ZBTB20: variants seen among roughly 807,000 people sequenced by gnomAD.
ZBTB20 encodes the protein zinc finger and BTB domain-containing protein 20.
ZBTB20 carries 9 observed loss-of-function variants against 56.9 expected under a neutral mutation model. That is an observed-to-expected ratio of 0.16 (90% CI 0.10 to 0.28). The LOEUF (loss-of-function observed/expected upper bound fraction) is 0.28. Among genes scored for constraint, ZBTB20 ranks in the 10% least tolerant of loss-of-function variants. The probability of loss-of-function intolerance (pLI) is 1.00; values close to 1 mark genes in which losing one functional copy is unlikely to be tolerated. For missense variants in ZBTB20, 655 were observed against 1,003.0 expected, an observed-to-expected ratio of 0.65 and a Z score of 4.69; for synonymous variants, 417 against 420.7, an observed-to-expected ratio of 0.99 and a Z score of 0.11.
intron 1 of ZBTB20, among the ~76,000 whole-genome samples, chr3:115,091,440 T>C (rs1368920362): frequency 6.6e-6 from 1 of 151,996 alleles, no homozygotes; most frequent in Non-Finnish European, 1.5e-5. Context: ...CCCCAAATAA[T>C]AGCAAATTTG....
chr3:114,688,336 A>G (rs2062477420), intron 6 of ZBTB20: 1 of 151,824 alleles, frequency 6.6e-6, no homozygotes, highest in South Asian at 2.1e-4. Context: ...GCATCACACA[A>G]TATACCCAGG....
At chr3:114,464,507 G>A (rs552978374) in intron 7 of ZBTB20, among the ~76,000 whole-genome samples, 35 of 152,228 alleles carry the variant, frequency 2.3e-4, no homozygotes, top group East Asian at 3.9e-4. Flanking sequence ...ATAAAATTAC[G>A]TAAACATAAA....
chr3:115,096,865 C>T (rs2083398601), intron 1 of ZBTB20, among the ~76,000 whole-genome samples: 1 of 152,122 alleles, frequency 6.6e-6, no homozygotes, highest in Non-Finnish European at 1.5e-5. Flanking sequence ...TTAATTAGCA[C>T]AAGGACTAAT....
chr3:114,804,085 C>A (rs1468609027), intron 4 of ZBTB20, among the ~76,000 whole-genome samples: 1 of 151,992 alleles, frequency 6.6e-6, no homozygotes, highest in Admixed American at 6.6e-5. Context: ...GCTTCTCTGG[C>A]AGAGACCCTT....
intron 3 of ZBTB20, among the ~76,000 whole-genome samples, chr3:114,939,684 A>C (rs2076663804): frequency 6.8e-6 from 1 of 146,396 alleles, no homozygotes; most frequent in Non-Finnish European, 1.5e-5. Flanking sequence ...GAAGACAATA[A>C]AAATATCTGA....
At chr3:114,688,630 C>T (rs964335999) in intron 6 of ZBTB20, among the ~76,000 whole-genome samples, 1 of 152,092 alleles carries the variant, frequency 6.6e-6, no homozygotes, top group Non-Finnish European at 1.5e-5. Context: ...GCAATGTGTA[C>T]AGCAACAACA....
chr3:114,403,010 A>T (rs1213382203), intron 7 of ZBTB20, among the ~76,000 whole-genome samples: 2 of 152,158 alleles, frequency 1.3e-5, no homozygotes, highest in Non-Finnish European at 2.9e-5. Flanking sequence ...GTGGATGATT[A>T]TATTATTTTG....
At position 114,488,243 on chromosome 3, in the gene ZBTB20, C is replaced by T. The variant is rs143912676; in HGVS notation, c.-255+12109G>A. Among the ~76,000 whole-genome samples, 945 of 152,290 alleles carry T rather than the reference C, an allele frequency of 6.2e-3. 8 individuals carry two copies. Among genetic ancestry groups the T allele is most frequent in the Middle Eastern group, 0.027 (8 of 294 alleles). On this transcript the variant is annotated intron_variant, in intron 7 of 11. Coordinates refer to ENST00000675478, the MANE Select transcript of ZBTB20 (RefSeq NM_001348800.3). ...GCATAAGAAGCAGAGCTTGAGGTGG[C>T]CTTGGAGGACTTCAGGGAGCACTGC...
chr3:114,401,425 G>A (rs996540796), intron 7 of ZBTB20, among the ~76,000 whole-genome samples: 2 of 152,108 alleles, frequency 1.3e-5, no homozygotes, highest in African/African-American at 4.8e-5. Flanking sequence ...TTGTCTGCTA[G>A]CTTGTACCAA....
intron 6 of ZBTB20, among the ~76,000 whole-genome samples, chr3:114,650,893 C>T (rs748335392): frequency 1.3e-5 from 2 of 151,836 alleles, no homozygotes; most frequent in East Asian, 1.9e-4. Context: ...TGTAGAACTT[C>T]GGATGCATCA....
chr3:114,343,511 G>A (rs2079953515), intron 11 of ZBTB20, among the ~76,000 whole-genome samples: 1 of 152,168 alleles, frequency 6.6e-6, no homozygotes, highest in Admixed American at 6.5e-5. Flanking sequence ...CAGGGTGCTT[G>A]ATGAGACAGC....
At chr3:114,870,346 A>G (rs993791832) in intron 4 of ZBTB20, among the ~76,000 whole-genome samples, 3 of 151,310 alleles carry the variant, frequency 2.0e-5, no homozygotes, top group African/African-American at 7.3e-5. Flanking sequence ...ACATGAATTA[A>G]GATCAGCATG....
Position 114,687,256 on chromosome 3 carries a change from T to C in ZBTB20, c.-295+6272A>G, listed in dbSNP as rs2062399234. 4 of 151,478 alleles carry C rather than the reference T, an allele frequency of 2.6e-5. No individual in the cohort carries two copies. The South Asian group carries it at 8.4e-4, about 32-fold the overall frequency. The allele number at this position is 151,478 out of a possible 1,614,324, so 9.4% of individuals were successfully genotyped here. ...ACCAAGTTTTTGTTAAACTTAATCC[T>C]TACTCTCTTTCCTTTCCAGCAGCAG... On this transcript the variant is annotated intron_variant, in intron 6 of 11. Coordinates refer to ENST00000675478, the MANE Select transcript of ZBTB20 (RefSeq NM_001348800.3).
Position 114,351,010 on chromosome 3 carries a change from G to T in ZBTB20, c.1068C>A (p.Cys356Ter). Residue 356 changes from cysteine (C) to a stop codon, truncating the protein, a stop_gained, in exon 11 of 12, where the codon TGC becomes TGA. Coordinates refer to ENST00000675478, the MANE Select transcript of ZBTB20 (RefSeq NM_001348800.3). LOFTEE classifies it high-confidence loss of function. Reference sequence around the variant, plus strand: ...CCTCGGCCTGGTCTGTGTCTTCCGTGCACTCCTCGGATTCGTTGCGTTCCA... The same window carrying T: ...CCTCGGCCTGGTCTGTGTCTTCCGTTCACTCCTCGGATTCGTTGCGTTCCA... ...QILERNESEE[C>*]TEDTDQAEGT... is the part of the protein sequence containing the mutation. The T allele has an allele frequency of 6.2e-7, 1 of 1,610,970 alleles. No individual in the cohort carries two copies.
At chr3:114,817,347 C>G (rs906443237) in intron 4 of ZBTB20, among the ~76,000 whole-genome samples, 1 of 151,698 alleles carries the variant, frequency 6.6e-6, no homozygotes, top group South Asian at 2.1e-4. Context: ...GGAGAAACCC[C>G]GTCTCTACTA....
intron 5 of ZBTB20, among the ~76,000 whole-genome samples, chr3:114,774,028 C>T (rs1469103950): frequency 1.3e-5 from 2 of 152,152 alleles, no homozygotes; most frequent in Non-Finnish European, 2.9e-5. Context: ...TGATTTTCGG[C>T]ATTGAAGATT....
chr3:114,509,422 TGTG>T lies in ZBTB20; in HGVS notation c.-294-9034_-294-9032del, dbSNP rs199590803. Among the ~76,000 whole-genome samples, 97 of 150,058 alleles carry T rather than the reference TGTG, an allele frequency of 6.5e-4. 1 individual carries two copies. Among genetic ancestry groups the T allele is most frequent in the East Asian group, 5.9e-4 (3 of 5,102 alleles). The stretch of plus-strand genomic sequence containing the variant: ...AAAGTATTTGGGGAGTGTGTGTGTG[TGTG>T]GTGGTGGTGGTGGTGGTGGTGGTGG... On this transcript the variant is annotated intron_variant, in intron 6 of 11. Coordinates refer to ENST00000675478, the MANE Select transcript of ZBTB20 (RefSeq NM_001348800.3).
intron 4 of ZBTB20, among the ~76,000 whole-genome samples, chr3:114,860,129 A>C (rs1186003668): frequency 6.6e-6 from 1 of 152,118 alleles, no homozygotes; most frequent in African/African-American, 2.4e-5. Context: ...CAACAGGGTG[A>C]AACCCCATCT....
chr3:115,000,044 TA>T (rs374788531), intron 2 of ZBTB20, among the ~76,000 whole-genome samples: 4,187 of 149,140 alleles, frequency 0.028, 67 homozygotes, highest in Middle Eastern at 0.078. Context: ...GACTTTCATT[TA>T]AAAAAAAAAT....
Sources: gnomAD v4.1 joint callset for allele counts (sites outside exome capture counted in the v4.1 genomes callset) on GRCh38, gnomAD v4.1.1 for gene constraint, MANE v1.5 for transcripts, NCBI Gene and HGNC (gene_info 2026-07-23, HGNC 2026-07-21) for gene names.